Variants in FRMD4B observed in about 807,000 individuals in gnomAD.
FRMD4B encodes FERM domain-containing protein 4B.
A neutral mutation model predicts 141.5 loss-of-function variants in FRMD4B; 74 were observed. That is an observed-to-expected ratio of 0.52 (90% CI 0.43 to 0.63). The LOEUF is 0.63. Ranked by LOEUF, FRMD4B falls within the 30% of genes least tolerant of loss-of-function variation. FRMD4B has a pLI of 0.00. For synonymous variants in FRMD4B, 506 were observed against 467.9 expected (o/e 1.08, Z -1.05); for missense variants, 1,366 against 1,253.4 (o/e 1.09, Z -1.36).
intron 13 of FRMD4B, 57 bp downstream of exon 13, chr3:69,196,843 T>C: frequency 7.3e-7 from 1 of 1,376,518 alleles, no homozygotes. Flanking sequence ...AGGCTTATCT[T>C]CTGAACAGAA....
intron 2 of FRMD4B, among the ~76,000 whole-genome samples, chr3:69,404,564 T>C (rs193250976): frequency 2.0e-5 from 3 of 152,304 alleles, no homozygotes; most frequent in Admixed American, 1.3e-4. Context: ...ATTACTTCTA[T>C]TATGGTAAAG....
At chr3:69,214,353 G>C (rs28413509) in intron 11 of FRMD4B, among the ~76,000 whole-genome samples, 10 of 152,132 alleles carry the variant, frequency 6.6e-5, no homozygotes, top group Admixed American at 6.6e-4. Flanking sequence ...AGCTGACCAT[G>C]GTCTGTTATT....
chr3:69,477,754 G>A (rs1274016504), intron 1 of FRMD4B, among the ~76,000 whole-genome samples: 8 of 149,214 alleles, frequency 5.4e-5, no homozygotes, highest in Admixed American at 4.6e-4. Context: ...TTTTTCTGTT[G>A]ATTGGAATAG....
intron 1 of FRMD4B, chr3:69,432,807 A>G (rs1705201405): frequency 6.6e-6 from 1 of 152,228 alleles, no homozygotes; most frequent in African/African-American, 2.4e-5. Flanking sequence ...TAGGCACAGG[A>G]GGAGAAACTA....
chr3:69,412,438 G>A (rs1047569940), intron 2 of FRMD4B, among the ~76,000 whole-genome samples: 1 of 152,136 alleles, frequency 6.6e-6, no homozygotes, highest in Non-Finnish European at 1.5e-5. Flanking sequence ...TAACCCTAAA[G>A]TTAGTGAGAG....
intron 1 of FRMD4B, among the ~76,000 whole-genome samples, chr3:69,363,710 A>G (rs1703547291): frequency 6.6e-6 from 1 of 152,114 alleles, no homozygotes; most frequent in Non-Finnish European, 1.5e-5. Flanking sequence ...ATTTTCAAGA[A>G]CAGACAGCTT....
At chr3:69,226,724 T>C (rs971624249) in intron 7 of FRMD4B, among the ~76,000 whole-genome samples, 7 of 152,204 alleles carry the variant, frequency 4.6e-5, no homozygotes, top group Admixed American at 3.3e-4. Flanking sequence ...ATTTATTCAG[T>C]TAACAAAAAT....
intron 11 of FRMD4B, 74 bp from the exon 12 acceptor site, chr3:69,198,848 C>T (rs927352839): frequency 1.3e-6 from 1 of 754,216 alleles, no homozygotes; most frequent in East Asian, 2.7e-5. Flanking sequence ...GCTTAATAAT[C>T]AAACAATTAT....
In FRMD4B at chr3:69,248,246, C is replaced by A. The variant is rs998876890; in HGVS notation, c.581+980G>T. 2.0e-5 allele frequency among the ~76,000 whole-genome samples: 3 copies of A among 150,626 alleles called. No individual in the cohort carries two copies. In the South Asian group the frequency reaches 6.3e-4, roughly 32 times the overall value. The stretch of plus-strand genomic sequence containing the variant: ...TTCTTAACCTAGAAAAATGTAAATA[C>A]ACACACACACACACAAATATATATA... On this transcript the variant is annotated intron_variant, in intron 7 of 22. Coordinates refer to ENST00000398540, the MANE Select transcript of FRMD4B (RefSeq NM_015123.3).
At chr3:69,229,306 A>T (rs2093284121) in intron 7 of FRMD4B, among the ~76,000 whole-genome samples, 1 of 152,138 alleles carries the variant, frequency 6.6e-6, no homozygotes, top group South Asian at 2.1e-4. Context: ...GATTACAGAC[A>T]TGAGCCACCA....
chr3:69,370,620 T>C (rs1165342622), intron 1 of FRMD4B, among the ~76,000 whole-genome samples: 4 of 152,264 alleles, frequency 2.6e-5, no homozygotes, highest in African/African-American at 9.6e-5. Context: ...CATACAAATG[T>C]ATTTCAACAT....
chr3:69,224,265 C>A (rs2093228224), intron 8 of FRMD4B, among the ~76,000 whole-genome samples: 1 of 152,136 alleles, frequency 6.6e-6, no homozygotes. Context: ...ACTTATATTG[C>A]ATTCTGCTAG....
chr3:69,373,220 T>C (rs1703877990), intron 1 of FRMD4B, among the ~76,000 whole-genome samples: 1 of 152,246 alleles, frequency 6.6e-6, no homozygotes, highest in South Asian at 2.1e-4. Context: ...CTTTTTACTT[T>C]AGTTTAAATG....
chr3:69,458,243 T>C (rs912518027), intron 1 of FRMD4B, among the ~76,000 whole-genome samples: 2 of 152,184 alleles, frequency 1.3e-5, no homozygotes, highest in Admixed American at 1.3e-4. Flanking sequence ...CATGTGCTCA[T>C]TATATGACTA....
At chr3:69,472,214 T>C (rs903473277) in intron 1 of FRMD4B, 15 of 301,014 alleles carry the variant, frequency 5.0e-5, no homozygotes, top group Non-Finnish European at 1.0e-4. Flanking sequence ...GAGCTGAAGA[T>C]CTTGTGACTA....
chr3:69,406,660 G>A lies in FRMD4B; in HGVS notation c.-1+25974C>T, dbSNP rs186256598. Among the ~76,000 whole-genome samples the A allele has an allele frequency of 2.0e-3, 302 of 152,268 alleles. 2 individuals carry two copies. The highest frequency in any genetic ancestry group is 3.4e-3 in the Middle Eastern group (1 of 294). ...TTGTGGCAGCAAACATGTCCTTAGGGGCAGGTCTCTATAGCTGTCAATAAT... is the reference window on the plus strand; with the variant it reads ...TTGTGGCAGCAAACATGTCCTTAGGAGCAGGTCTCTATAGCTGTCAATAAT... On this transcript the variant is annotated intron_variant, in intron 2 of 5. Transcript: ENST00000459638.
chr3:69,441,979 A>C (rs1300999156), intron 1 of FRMD4B, among the ~76,000 whole-genome samples: 1 of 152,188 alleles, frequency 6.6e-6, no homozygotes, highest in Non-Finnish European at 1.5e-5. Flanking sequence ...TTCTACTCCT[A>C]AGAGATAGCT....
chr3:69,262,646 C>T (rs2093535488), intron 5 of FRMD4B, among the ~76,000 whole-genome samples: 1 of 150,108 alleles, frequency 6.7e-6, no homozygotes, highest in Non-Finnish European at 1.5e-5. Flanking sequence ...TTTAGTAGAG[C>T]TGGGGTGTCT....
At chr3:69,344,529 A>G (rs1478675065) in intron 1 of FRMD4B, among the ~76,000 whole-genome samples, 2 of 152,216 alleles carry the variant, frequency 1.3e-5, no homozygotes, top group South Asian at 2.1e-4. Context: ...TCACTCATCA[A>G]TGTGGATTCT....
Sources: gnomAD v4.1 joint callset for allele counts (sites outside exome capture counted in the v4.1 genomes callset) on GRCh38, gnomAD v4.1.1 for gene constraint, MANE v1.5 for transcripts, NCBI Gene and HGNC (gene_info 2026-07-23, HGNC 2026-07-21) for gene names.